Variants in LRBA observed in about 807,000 individuals in gnomAD.
LRBA encodes the protein LPS responsive beige-like anchor protein.
Under a neutral mutation model 330.0 loss-of-function variants are expected in LRBA, and 176 were observed. That is an observed-to-expected ratio of 0.53 (90% CI 0.47 to 0.60). The LOEUF (loss-of-function observed/expected upper bound fraction) is 0.60. Ranked by LOEUF, LRBA falls within the 20% of genes least tolerant of loss-of-function variation. The pLI is 0.00. For synonymous variants in LRBA, 1,230 were observed against 1,193.0 expected (o/e 1.03, Z -0.64); for missense variants, 3,259 against 3,444.8 (o/e 0.95, Z 1.35).
chr4:150,593,424 T>C (rs993286999), intron 38 of LRBA, among the ~76,000 whole-genome samples: 68 of 152,166 alleles, frequency 4.5e-4, no homozygotes, highest in African/African-American at 1.6e-3. Flanking sequence ...AGAGGTTACA[T>C]AAATTGACCA....
chr4:150,979,802 A>G (rs549672839), intron 2 of LRBA, among the ~76,000 whole-genome samples: 1 of 152,346 alleles, frequency 6.6e-6, no homozygotes, highest in Non-Finnish European at 1.5e-5. Context: ...AAACAGACCA[A>G]TAACAAGTAA....
chr4:150,881,154 A>G (rs1560955520), intron 17 of LRBA, among the ~76,000 whole-genome samples: 1 of 152,196 alleles, frequency 6.6e-6, no homozygotes. Flanking sequence ...CAACTCAGCA[A>G]TTTTATTACC....
At chr4:150,946,205 C>T (rs189874786) in intron 2 of LRBA, among the ~76,000 whole-genome samples, 1 of 152,228 alleles carries the variant, frequency 6.6e-6, no homozygotes. Context: ...CTGTGCCTTC[C>T]TCAATAATTG....
intron 37 of LRBA, among the ~76,000 whole-genome samples, chr4:150,647,192 G>T (rs1333987904): frequency 6.6e-6 from 1 of 151,450 alleles, no homozygotes; most frequent in Non-Finnish European, 1.5e-5. Context: ...GTCAATATGT[G>T]TATATCAAGA....
chr4:150,341,089 G>A (rs1297078883), intron 48 of LRBA, among the ~76,000 whole-genome samples: 7 of 152,156 alleles, frequency 4.6e-5, no homozygotes, highest in African/African-American at 1.4e-4. Flanking sequence ...GTCCAGTGGG[G>A]AGAGTATGGT....
At chr4:150,936,010 G>A (rs1735047571) in intron 2 of LRBA, among the ~76,000 whole-genome samples, 2 of 151,134 alleles carry the variant, frequency 1.3e-5, no homozygotes, top group African/African-American at 4.9e-5. Flanking sequence ...TTTCAATTTG[G>A]TGAAAAAAAT....
Position 150,621,092 on chromosome 4 carries a change from GA to G in LRBA, c.5922-21962del, listed in dbSNP as rs60575230. ...GCCTCCAACTTCTTTCCCTTCTTCGGAAAAAAAAAAATGCAATAAAATAAAG... is the reference window on the plus strand; with the variant it reads ...GCCTCCAACTTCTTTCCCTTCTTCGGAAAAAAAAAATGCAATAAAATAAAG... On this transcript the variant is annotated intron_variant, in intron 37 of 56. Transcript: ENST00000651943. Among the ~76,000 whole-genome samples the G allele has an allele frequency of 1.7e-3, 248 of 147,768 alleles. 2 individuals are homozygous for G. The highest frequency in any genetic ancestry group is 5.3e-3 in the African/African-American group (213 of 39,864).
At chr4:150,932,703 C>T (rs1206515789) in intron 2 of LRBA, among the ~76,000 whole-genome samples, 1 of 151,762 alleles carries the variant, frequency 6.6e-6, no homozygotes, top group Admixed American at 6.6e-5. Context: ...ATCCCTTGAG[C>T]GCAGGAGTTT....
intron 37 of LRBA, among the ~76,000 whole-genome samples, chr4:150,613,300 G>A (rs1189868198): frequency 6.6e-6 from 1 of 152,080 alleles, no homozygotes; most frequent in African/African-American, 2.4e-5. Context: ...ATATGCAAAA[G>A]GTACCTTAGG....
rs1762012805 is a variant in LRBA, at chr4:150,513,259, T to A, written c.6331-22224A>T. Among the ~76,000 whole-genome samples the A allele has an allele frequency of 1.3e-5, 2 of 152,212 alleles. 1 individual carries two copies. Among genetic ancestry groups the A allele is most frequent in the Admixed American group, 1.3e-4 (2 of 15,286 alleles). On this transcript the variant is annotated intron_variant, in intron 40 of 56. Coordinates refer to ENST00000651943, the MANE Select transcript of LRBA (RefSeq NM_001364905.1). ...GTAATTGCCATCTTATATGACACAC[T>A]GTTTTCAAGGATGTTTGCATAATTA...
intron 5 of LRBA, among the ~76,000 whole-genome samples, chr4:150,918,477 G>A (rs762834483): frequency 2.0e-5 from 3 of 152,146 alleles, no homozygotes; most frequent in East Asian, 1.9e-4. Context: ...GGCCGGGCAC[G>A]GTGGCTCACG....
At chr4:150,685,405 TATATATATATA>T (rs1472878205) in intron 36 of LRBA, among the ~76,000 whole-genome samples, 4 of 16,864 alleles carry the variant, frequency 2.4e-4, no homozygotes, top group Non-Finnish European at 4.8e-4. Flanking sequence ...TATATATATA[TATATATATATA>T]TATATTTTTT....
Position 150,467,863 on chromosome 4 carries a change from A to T in LRBA, c.6668-78T>A, listed in dbSNP as rs949099168. The T allele has an allele frequency of 1.3e-4, 80 of 629,392 alleles. 1 individual carries two copies. The Admixed American group carries it at 2.2e-3, about 17-fold the overall frequency. 39.0% of individuals were successfully genotyped at this position (629,392 alleles called of 1,614,324 possible). A position where few individuals can be genotyped will look rare whatever the true frequency, so the allele number is the denominator to read the frequency against. The stretch of plus-strand genomic sequence containing the variant: ...AGATTCAGTAATATAATTTACTAAA[A>T]ATAAGATTAAACAATTTTTGATTGC... On this transcript the variant is annotated intron_variant, in intron 43 of 56. Coordinates refer to ENST00000651943, the MANE Select transcript of LRBA (RefSeq NM_001364905.1).
At chr4:150,787,380 A>T (rs1391602025) in intron 34 of LRBA, among the ~76,000 whole-genome samples, 1 of 152,214 alleles carries the variant, frequency 6.6e-6, no homozygotes, top group Non-Finnish European at 1.5e-5. Context: ...GATCGTAAAA[A>T]TGTAATTTTT....
intron 34 of LRBA, among the ~76,000 whole-genome samples, chr4:150,777,550 C>A (rs540085350): frequency 3.6e-4 from 55 of 151,980 alleles, no homozygotes; most frequent in Non-Finnish European, 5.6e-4. Flanking sequence ...ATGGATGTAC[C>A]TCCAATTACC....
At chr4:150,515,832 A>G (rs1168890267) in intron 40 of LRBA, among the ~76,000 whole-genome samples, 1 of 152,094 alleles carries the variant, frequency 6.6e-6, no homozygotes, top group Admixed American at 6.5e-5. Flanking sequence ...AACATTACAC[A>G]CTTAGGAATA....
chr4:150,439,954 T>C (rs1751603574), intron 44 of LRBA, among the ~76,000 whole-genome samples: 1 of 152,204 alleles, frequency 6.6e-6, no homozygotes, highest in African/African-American at 2.4e-5. Context: ...CAAAGCATTT[T>C]TAAAACATTG....
At chr4:150,729,281 C>T (rs1323002311) in intron 36 of LRBA, among the ~76,000 whole-genome samples, 1 of 152,144 alleles carries the variant, frequency 6.6e-6, no homozygotes, top group Non-Finnish European at 1.5e-5. Context: ...CACTGCAACC[C>T]AGCCTGGGTG....
chr4:150,951,269 T>C (rs1736802431), intron 2 of LRBA, among the ~76,000 whole-genome samples: 3 of 152,202 alleles, frequency 2.0e-5, no homozygotes, highest in Non-Finnish European at 4.4e-5. Flanking sequence ...ACTAGCTGAA[T>C]TATGGCACAT....
Sources: allele counts gnomAD v4.1 joint callset (sites outside exome capture counted in the v4.1 genomes callset), GRCh38; gene constraint gnomAD v4.1.1; transcripts MANE v1.5; gene names NCBI Gene and HGNC (gene_info 2026-07-23, HGNC 2026-07-21).